IL1RAPL2: variants seen among roughly 807,000 people sequenced by gnomAD.
The protein encoded by IL1RAPL2 is X-linked interleukin-1 receptor accessory protein-like 2.
A neutral mutation model predicts 44.1 loss-of-function variants in IL1RAPL2; 3 were observed. The observed-to-expected ratio is 0.07, with a 90% confidence interval of 0.03 to 0.18. IL1RAPL2 has a LOEUF of 0.18. Among genes scored for constraint, IL1RAPL2 ranks in the 10% least tolerant of loss-of-function variants. IL1RAPL2 has a pLI of 1.00. For missense variants in IL1RAPL2, 391 were observed against 496.4 expected (o/e 0.79, Z 2.02); for synonymous variants, 181 against 178.8 (o/e 1.01, Z -0.10).
intron 2 of IL1RAPL2, among the ~76,000 whole-genome samples, chrX:105,122,372 A>G (rs1369819086): frequency 3.6e-5 from 4 of 111,881 alleles, no homozygotes; most frequent in Admixed American, 2.8e-4. Context: ...AATAAATTAT[A>G]CTTGCAATAC....
intron 2 of IL1RAPL2, among the ~76,000 whole-genome samples, chrX:105,005,603 T>A (rs778558425): frequency 9.0e-6 from 1 of 110,909 alleles, no homozygotes; most frequent in African/African-American, 3.3e-5. Flanking sequence ...TATGTACCTC[T>A]TTCCCCCTCT....
At chrX:104,834,350 C>T (rs758622786) in intron 2 of IL1RAPL2, among the ~76,000 whole-genome samples, 13 of 111,539 alleles carry the variant, frequency 1.2e-4, no homozygotes, top group South Asian at 3.8e-4. Flanking sequence ...TTGTCCACGC[C>T]GCACCCTTTC....
intron 5 of IL1RAPL2, among the ~76,000 whole-genome samples, chrX:105,377,528 G>A (rs2035397323): frequency 1.8e-5 from 2 of 110,877 alleles, no homozygotes; most frequent in Admixed American, 1.9e-4. Flanking sequence ...GTATTTGAAA[G>A]TCATGCTAGT....
At chrX:105,010,956 A>T (rs1459969101) in intron 2 of IL1RAPL2, among the ~76,000 whole-genome samples, 1 of 111,218 alleles carries the variant, frequency 9.0e-6, no homozygotes, top group African/African-American at 3.3e-5. Flanking sequence ...GATGTGGGCC[A>T]TTGCCACAGG....
chrX:104,873,677 C>T lies in IL1RAPL2; in HGVS notation c.82+214682C>T, dbSNP rs376552135. On this transcript the variant is annotated intron_variant, in intron 2 of 10. Transcript: ENST00000372582. Reference sequence around the variant, plus strand: ...TAGGAAGCAGCACATATCACTTCCACCCATGTTGCATTGGTCAAGGCAAGT... The same window carrying T: ...TAGGAAGCAGCACATATCACTTCCATCCATGTTGCATTGGTCAAGGCAAGT... Among the ~76,000 whole-genome samples the T allele has an allele frequency of 5.4e-5, 6 of 111,063 alleles. No homozygotes were observed. The East Asian group carries it at 1.7e-3, about 32-fold the overall frequency.
intron 5 of IL1RAPL2, among the ~76,000 whole-genome samples, chrX:105,358,755 G>A (rs1166322568): frequency 9.0e-6 from 1 of 110,636 alleles, no homozygotes; most frequent in Admixed American, 9.6e-5. Flanking sequence ...TATGGTTAGT[G>A]GTTAGCAAAC....
At chrX:105,116,082 G>A (rs975266836) in intron 2 of IL1RAPL2, among the ~76,000 whole-genome samples, 24 of 95,927 alleles carry the variant, frequency 2.5e-4, no homozygotes, top group African/African-American at 7.7e-4. Context: ...TCCCGCCTGC[G>A]CCTCTCCCTT....
chrX:104,585,013 C>G (rs184859665), intron 1 of IL1RAPL2, among the ~76,000 whole-genome samples: 4 of 102,458 alleles, frequency 3.9e-5, no homozygotes, highest in African/African-American at 1.4e-4. Context: ...AATAAAGAAA[C>G]ATTCAGTTAT....
chrX:105,263,241 G>A (rs2034374556), intron 4 of IL1RAPL2, among the ~76,000 whole-genome samples: 1 of 19,891 alleles, frequency 5.0e-5, no homozygotes, highest in South Asian at 5.7e-3. Context: ...CAGTCTCCAG[G>A]GGAAAGGAGA....
chrX:105,614,446 G>A (rs747601410), intron 6 of IL1RAPL2, among the ~76,000 whole-genome samples: 1 of 111,660 alleles, frequency 9.0e-6, no homozygotes, highest in African/African-American at 3.3e-5. Context: ...AAAACAGGAT[G>A]GTACTGGCAT....
chrX:104,911,102 C>A (rs2147683312), intron 2 of IL1RAPL2, among the ~76,000 whole-genome samples: 1 of 110,953 alleles, frequency 9.0e-6, no homozygotes, highest in African/African-American at 3.3e-5. Flanking sequence ...ATTAGAAAAC[C>A]TTCATAAACC....
At chrX:104,681,722 T>C (rs1238498541) in intron 2 of IL1RAPL2, among the ~76,000 whole-genome samples, 2 of 112,613 alleles carry the variant, frequency 1.8e-5, no homozygotes, top group Admixed American at 1.9e-4. Context: ...TATCTTGAGG[T>C]TCCTTCAAAT....
At chrX:104,837,141 G>T (rs2147632561) in intron 2 of IL1RAPL2, among the ~76,000 whole-genome samples, 1 of 111,393 alleles carries the variant, frequency 9.0e-6, no homozygotes, top group Non-Finnish European at 1.9e-5. Context: ...ATGGGCATTT[G>T]GGTTGGTTTC....
intron 6 of IL1RAPL2, among the ~76,000 whole-genome samples, chrX:105,579,684 A>C (rs184310126): frequency 1.8e-5 from 2 of 111,717 alleles, no homozygotes; most frequent in East Asian, 5.6e-4. Context: ...ATAATAGATA[A>C]AGAACTAAGG....
chrX:105,246,431 C>T (rs1354481307), intron 4 of IL1RAPL2, among the ~76,000 whole-genome samples: 1 of 111,668 alleles, frequency 9.0e-6, no homozygotes, highest in Non-Finnish European at 1.9e-5. Context: ...TTGGGTGTTG[C>T]AGCTGAGGAA....
chrX:105,057,948 ATTT>A (rs763809656), intron 2 of IL1RAPL2, among the ~76,000 whole-genome samples: 2 of 52,321 alleles, frequency 3.8e-5, no homozygotes, highest in African/African-American at 1.3e-4. Context: ...CACCCAGCTA[ATTT>A]TTTTTTTTTT....
intron 6 of IL1RAPL2, among the ~76,000 whole-genome samples, chrX:105,537,663 CTTTAT>C (rs989212991): frequency 9.0e-6 from 1 of 111,534 alleles, no homozygotes; most frequent in African/African-American, 3.3e-5. Flanking sequence ...ATTTCTCAAC[CTTTAT>C]GTGTTTCAGT....
intron 1 of IL1RAPL2, among the ~76,000 whole-genome samples, chrX:104,623,309 T>C (rs1481881714): frequency 9.0e-6 from 1 of 110,620 alleles, no homozygotes; most frequent in Non-Finnish European, 1.9e-5. Context: ...ATATTGAATA[T>C]ACATTGTTTC....
At chrX:105,410,008 A>C (rs2035683270) in intron 5 of IL1RAPL2, among the ~76,000 whole-genome samples, 1 of 110,800 alleles carries the variant, frequency 9.0e-6, no homozygotes. Context: ...TTGGAAAAAC[A>C]CCTAGAGGTT....
Sources: gnomAD v4.1 joint callset for allele counts (sites outside exome capture counted in the v4.1 genomes callset) on GRCh38, gnomAD v4.1.1 for gene constraint, MANE v1.5 for transcripts, NCBI Gene and HGNC (gene_info 2026-07-23, HGNC 2026-07-21) for gene names.